GK2: variants seen among roughly 807,000 people sequenced by gnomAD.
GK2 encodes ATP:glycerol 3-phosphotransferase 2.
Under a neutral mutation model 9.5 loss-of-function variants are expected in GK2, and 10 were observed. The ratio of observed to expected loss-of-function variants is 1.05; its 90% confidence interval spans 0.65 to 1.78. The LOEUF (loss-of-function observed/expected upper bound fraction) is 1.78. Ranked by LOEUF, GK2 falls within the 40% of genes most tolerant of loss-of-function variation. The pLI, the probability that GK2 is intolerant of heterozygous loss-of-function variation, is 0.00. For missense variants in GK2, 643 were observed against 669.0 expected (o/e 0.96, Z 0.43); for synonymous variants, 228 against 229.9 (o/e 0.99, Z 0.07).
chr4:79,406,928 C>T lies in GK2; in HGVS notation c.1273G>A (p.Asp425Asn), dbSNP rs749926527. 1 of 1,614,126 alleles carries T rather than the reference C, an allele frequency of 6.2e-7. No homozygotes were observed. Among genetic ancestry groups the T allele is most frequent in the Admixed American group, 1.7e-5 (1 of 60,012 alleles). ...ACTTTGTTGTTGGTCATTCCTCCAT[C>T]TACCTGCAAATGACGAAGTGGAATT... ...CGIPLRHLQV[D>N]GGMTNNKVLM... The change falls in exon 1 of 1, where the codon GAT (aspartate) becomes AAT (asparagine). Residue 425 changes from aspartate (D) to asparagine (N), a missense_variant. Transcript: ENST00000358842.
In GK2 at chr4:79,407,331, A is replaced by C. The variant is rs756583364; in HGVS notation, c.870T>G (p.Gly290=). Reference sequence around the variant, plus strand: ...CATGTTCAGAAAACACACATTTACGACCCGTATTACACAGTAAGAAGCAAC... The same window carrying C: ...CATGTTCAGAAAACACACATTTACGCCCCGTATTACACAGTAAGAAGCAAC... ...GTGCFLLCNT[G]RKCVFSEHGL... Residue 290 remains glycine (G), a synonymous_variant, in exon 1 of 1, where the codon GGT becomes GGG. Transcript: ENST00000358842. 6.2e-7 allele frequency: 1 copy of C among 1,614,066 alleles called. No individual in the cohort carries two copies. Among genetic ancestry groups the C allele is most frequent in the Admixed American group, 1.7e-5 (1 of 60,000 alleles).
Position 79,407,754 on chromosome 4 carries a change from G to T in GK2, c.447C>A (p.Phe149Leu), listed in dbSNP as rs377465140. Reference protein sequence around the residue: ...SKTGLPLSTYFSAVKLRWMLD... With the variant: ...SKTGLPLSTYLSAVKLRWMLD... Reference sequence around the variant, plus strand: ...GCATCCAACGAAGTTTTACTGCACTGAAGTAAGTGCTGAGTGGAAGGCCTG... The same window carrying T: ...GCATCCAACGAAGTTTTACTGCACTTAAGTAAGTGCTGAGTGGAAGGCCTG... Residue 149 changes from phenylalanine to leucine, a missense_variant, in exon 1 of 1, where the codon TTC becomes TTA. By Grantham distance (22) the Phe-to-Leu change is conservative. Coordinates refer to ENST00000358842, the MANE Select transcript of GK2 (RefSeq NM_033214.3). 3 of 1,614,050 alleles carry T rather than the reference G, an allele frequency of 1.9e-6. No homozygotes were observed. The highest frequency in any genetic ancestry group is 2.5e-6 in the Non-Finnish European group (3 of 1,179,940).
Position 79,407,903 on chromosome 4 carries a change from A to G in GK2, c.298T>C (p.Trp100Arg). ...VSNQRETTVI[W>R]DKLTGEPLYN... ...AGAGGCTCTCCTGTTAACTTGTCCC[A>G]GATTACAGTGGTTTCCCTCTGATTG... is the stretch of plus-strand genomic sequence containing the variant. The change falls in exon 1 of 1, where the codon TGG becomes CGG. Residue 100 changes from tryptophan (W) to arginine (R), a missense_variant. Trp to Arg is a moderately radical substitution (Grantham distance 101, BLOSUM62 -3). Coordinates refer to ENST00000358842, the MANE Select transcript of GK2 (RefSeq NM_033214.3). The G allele has an allele frequency of 6.2e-7, 1 of 1,614,232 alleles. No individual in the cohort carries two copies. The highest frequency in any genetic ancestry group is 8.5e-7 in the Non-Finnish European group (1 of 1,180,046).
rs377464934 is a variant in GK2, at chr4:79,406,682, C to G, written c.1519G>C (p.Val507Leu). Residue 507 changes from valine (V) to leucine (L), a missense_variant, in exon 1 of 1, where the codon GTA (valine) becomes CTA (leucine). Coordinates refer to ENST00000358842, the MANE Select transcript of GK2 (RefSeq NM_033214.3). ...EIRYATWKKAVMKSMGWVTSQ... is the reference protein window; with the variant it reads ...EIRYATWKKALMKSMGWVTSQ... ...GTAACCCAACCCATTGACTTCATTA[C>G]GGCTTTCTTCCATGTGGCATAACGA... is the stretch of plus-strand genomic sequence containing the variant. 5.3e-5 allele frequency: 85 copies of G among 1,614,098 alleles called. No individual in the cohort carries two copies. The highest frequency in any genetic ancestry group is 4.5e-4 in the Admixed American group (27 of 60,024).
rs1725852513 is a variant in GK2 at position 79,406,500 on chromosome 4, G to A, written c.*39C>T. On this transcript the variant is annotated 3_prime_UTR_variant, in exon 1 of 1. Transcript: ENST00000358842. Reference sequence around the variant, plus strand: ...CAGAACTGCTATATGCTTTCATTATGTAAAATGTTTACATCTTGGGACTCC... The same window carrying A: ...CAGAACTGCTATATGCTTTCATTATATAAAATGTTTACATCTTGGGACTCC... 1 of 1,213,476 alleles carries A rather than the reference G, an allele frequency of 8.2e-7. No individual in the cohort carries two copies. Among genetic ancestry groups the A allele is most frequent in the African/African-American group, 1.5e-5 (1 of 66,008 alleles). The allele number at this position is 1,213,476 out of a possible 1,614,324, so 75.2% of individuals were successfully genotyped here. A position where few individuals can be genotyped will look rare whatever the true frequency, so the allele number is the denominator to read the frequency against.
Position 79,407,591 on chromosome 4 carries a change from T to C in GK2, c.610A>G (p.Arg204Gly). The stretch of plus-strand genomic sequence containing the variant: ...GAATGGATATTAAAAAGCATTGTCC[T>C]ACTTGCATTTGTTACATCTGTACAA... ...VHCTDVTNAS[R>G]TMLFNIHSLE... The change falls in exon 1 of 1, where the codon AGG (arginine) becomes GGG (glycine). Residue 204 changes from arginine to glycine, a missense_variant. Coordinates refer to ENST00000358842, the MANE Select transcript of GK2 (RefSeq NM_033214.3). 6 of 1,614,144 alleles carry C rather than the reference T, an allele frequency of 3.7e-6. No homozygotes were observed. Among genetic ancestry groups the C allele is most frequent in the Non-Finnish European group, 5.1e-6 (6 of 1,179,968 alleles).
chr4:79,406,828 C>T lies in GK2; in HGVS notation c.1373G>A (p.Gly458Glu), dbSNP rs151024112. 1,218 of 1,614,172 alleles carry T rather than the reference C, an allele frequency of 7.5e-4. 3 individuals carry two copies. Among genetic ancestry groups the T allele is most frequent in the Middle Eastern group, 7.4e-3 (45 of 6,062 alleles). Residue 458 changes from glycine to glutamate, a missense_variant, in exon 1 of 1, where the codon GGA (glycine) becomes GAA (glutamate). Transcript: ENST00000358842. ...KPFMPETTAL[G>E]AAMAAGAAEG... Reference sequence around the variant, plus strand: ...TGCAGCCCCTGCTGCCATGGCAGCTCCTAGTGCAGTTGTTTCAGGCATAAA... The same window carrying T: ...TGCAGCCCCTGCTGCCATGGCAGCTTCTAGTGCAGTTGTTTCAGGCATAAA...
In GK2 at chr4:79,407,855, C is replaced by A; in HGVS notation, c.346G>T (p.Asp116Tyr). Residue 116 changes from aspartate to tyrosine, a missense_variant, in exon 1 of 1, where the codon GAT becomes TAT. Asp to Tyr is a radical substitution (Grantham distance 160). Coordinates refer to ENST00000358842, the MANE Select transcript of GK2 (RefSeq NM_033214.3). The part of the protein sequence containing the change: ...EPLYNAVVWL[D>Y]LRTQTTVEDL... ...TCAACAGTAGTCTGGGTTCTTAGAT[C>A]AAGCCACACCACAGCATTGTAGAGA... The A allele has an allele frequency of 6.2e-7, 1 of 1,614,150 alleles. No homozygotes were observed. Among genetic ancestry groups the A allele is most frequent in the Non-Finnish European group, 8.5e-7 (1 of 1,180,002 alleles).
rs755520714 is a variant in GK2 at position 79,407,483 on chromosome 4, A to T, written c.718T>A (p.Tyr240Asn). ...LPNVFSSSEI[Y>N]GLIKTGALEG... Reference sequence around the variant, plus strand: ...AGGGCTCCAGTTTTAATTAGGCCATAGATCTCAGAAGAACTGAAGACATTT... The same window carrying T: ...AGGGCTCCAGTTTTAATTAGGCCATTGATCTCAGAAGAACTGAAGACATTT... Residue 240 changes from tyrosine (Y) to asparagine (N), a missense_variant, in exon 1 of 1, where the codon TAT becomes AAT. Coordinates refer to ENST00000358842, the MANE Select transcript of GK2 (RefSeq NM_033214.3). The T allele has an allele frequency of 6.2e-7, 1 of 1,614,200 alleles. No individual in the cohort carries two copies. The highest frequency in any genetic ancestry group is 1.7e-5 in the Admixed American group (1 of 60,026).
Position 79,407,973 on chromosome 4 carries a change from G to T in GK2, c.228C>A (p.Asp76Glu). 7 of 1,613,996 alleles carry T rather than the reference G, an allele frequency of 4.3e-6. No individual in the cohort carries two copies. The highest frequency in any genetic ancestry group is 5.9e-6 in the Non-Finnish European group (7 of 1,179,906). Reference protein sequence around the residue: ...ECIARTCEKLDELNIDISNIK... With the variant: ...ECIARTCEKLEELNIDISNIK... ...TGTTGGATATATCAATATTCAGTTC[G>T]TCAAGTTTCTCACACGTTCTCGCTA... The change falls in exon 1 of 1, where the codon GAC becomes GAA. Residue 76 changes from aspartate (D) to glutamate (E), a missense_variant. Asp to Glu is a conservative substitution (Grantham distance 45). Transcript: ENST00000358842.
Position 79,407,539 on chromosome 4 carries a change from T to G in GK2, c.662A>C (p.Asp221Ala), listed in dbSNP as rs1165894168. The G allele has an allele frequency of 6.2e-7, 1 of 1,614,172 alleles. No homozygotes were observed. The highest frequency in any genetic ancestry group is 1.3e-5 in the African/African-American group (1 of 75,046). ...AAGGTCCATTGGAATTTCAAAAAAG[T>G]CACAGAGCTCTTTATCCCATTCCAA... is the stretch of plus-strand genomic sequence containing the variant. ...HSLEWDKELC[D>A]FFEIPMDLLP... The change falls in exon 1 of 1, where the codon GAC becomes GCC. Residue 221 changes from aspartate to alanine, a missense_variant. Coordinates refer to ENST00000358842, the MANE Select transcript of GK2 (RefSeq NM_033214.3).
Position 79,406,515 on chromosome 4 carries a change from C to T in GK2, c.*24G>A, listed in dbSNP as rs1725852862. 7.3e-7 allele frequency: 1 copy of T among 1,367,176 alleles called. No homozygotes were observed. The highest frequency in any genetic ancestry group is 2.3e-5 in the East Asian group (1 of 43,642). 84.7% of individuals were successfully genotyped at this position (1,367,176 alleles called of 1,614,324 possible). A position where few individuals can be genotyped will look rare whatever the true frequency, so the allele number is the denominator to read the frequency against. On this transcript the variant is annotated 3_prime_UTR_variant, in exon 1 of 1. Transcript: ENST00000358842. ...CTTTCATTATGTAAAATGTTTACATCTTGGGACTCCATAGCTGGTATTATT... is the reference window on the plus strand; with the variant it reads ...CTTTCATTATGTAAAATGTTTACATTTTGGGACTCCATAGCTGGTATTATT...
In GK2 at chr4:79,407,568, A is replaced by C. The variant is rs769761532; in HGVS notation, c.633T>G (p.His211Gln). Residue 211 changes from histidine (H) to glutamine (Q), a missense_variant, in exon 1 of 1, where the codon CAT becomes CAG. By Grantham distance (24) the His-to-Gln change is conservative (BLOSUM62 0). Coordinates refer to ENST00000358842, the MANE Select transcript of GK2 (RefSeq NM_033214.3). Reference protein sequence around the residue: ...NASRTMLFNIHSLEWDKELCD... With the variant: ...NASRTMLFNIQSLEWDKELCD... ...AGAGCTCTTTATCCCATTCCAAAGAATGGATATTAAAAAGCATTGTCCTAC... is the reference window on the plus strand; with the variant it reads ...AGAGCTCTTTATCCCATTCCAAAGACTGGATATTAAAAAGCATTGTCCTAC... 6.2e-7 allele frequency: 1 copy of C among 1,614,160 alleles called. No homozygotes were observed. The highest frequency in any genetic ancestry group is 8.5e-7 in the Non-Finnish European group (1 of 1,179,984).
rs1393750447 is a variant in GK2, at chr4:79,406,915, G to T, written c.1286C>A (p.Thr429Asn). The T allele has an allele frequency of 2.5e-6, 4 of 1,614,056 alleles. No homozygotes were observed. The highest frequency in any genetic ancestry group is 3.4e-6 in the Non-Finnish European group (4 of 1,180,028). ...TAGCTGCATAAGAACTTTGTTGTTG[G>T]TCATTCCTCCATCTACCTGCAAATG... is the stretch of plus-strand genomic sequence containing the variant. ...LRHLQVDGGM[T>N]NNKVLMQLQA... The change falls in exon 1 of 1, where the codon ACC becomes AAC. Residue 429 changes from threonine (T) to asparagine (N), a missense_variant. By Grantham distance (65) the Thr-to-Asn change is moderately conservative. Coordinates refer to ENST00000358842, the MANE Select transcript of GK2 (RefSeq NM_033214.3).
At position 79,407,070 on chromosome 4, in the gene GK2, T is replaced by C. The variant is rs1725870410; in HGVS notation, c.1131A>G (p.Arg377=). The change falls in exon 1 of 1, where the codon AGA becomes AGG. Residue 377 remains arginine, a synonymous_variant. Transcript: ENST00000358842. The part of the protein sequence containing the change: ...LYAPYWEPSA[R]GILCGLTQFT... ...ACTGAGTGAGGCCACAGAGTATCCC[T>C]CTTGCACTGGGCTCCCAATAAGGTG... 6.2e-7 allele frequency: 1 copy of C among 1,614,170 alleles called. No individual in the cohort carries two copies. The highest frequency in any genetic ancestry group is 2.2e-5 in the East Asian group (1 of 44,884).
Position 79,407,317 on chromosome 4 carries a change from AAC to A in GK2, c.882_883del (p.Ser296Ter). 1 of 1,614,196 alleles carries A rather than the reference AAC, an allele frequency of 6.2e-7. No homozygotes were observed. On this transcript the variant is annotated frameshift_variant, in exon 1 of 1. Transcript: ENST00000358842. LOFTEE classifies it high-confidence loss of function. Reference sequence around the variant, plus strand: ...TGTGGTCAAAAGGCCATGTTCAGAAAACACACATTTACGACCCGTATTACACA... The same window carrying A: ...TGTGGTCAAAAGGCCATGTTCAGAAAACACATTTACGACCCGTATTACACA...
chr4:79,406,694 A>T lies in GK2; in HGVS notation c.1507T>A (p.Trp503Arg). ...ATTGACTTCATTACGGCTTTCTTCC[A>T]TGTGGCATAACGAATTTCACTTTCT... ...ATESEIRYATWKKAVMKSMGW... is the reference protein window; with the variant it reads ...ATESEIRYATRKKAVMKSMGW... Residue 503 changes from tryptophan (W) to arginine (R), a missense_variant, in exon 1 of 1, where the codon TGG becomes AGG. By Grantham distance (101) the Trp-to-Arg change is moderately radical. Coordinates refer to ENST00000358842, the MANE Select transcript of GK2 (RefSeq NM_033214.3). 6.2e-7 allele frequency: 1 copy of T among 1,614,216 alleles called. No individual in the cohort carries two copies. The highest frequency in any genetic ancestry group is 8.5e-7 in the Non-Finnish European group (1 of 1,180,040).
rs1360809791 is a variant in GK2 at position 79,407,709 on chromosome 4, G to A, written c.492C>T (p.Val164=). ...LRWMLDNVRN[V]QKAVEEGRAL... ...CTCTACCTTCTTCAACAGCCTTTTG[G>A]ACGTTTCTCACATTGTCAAGCATCC... The change falls in exon 1 of 1, where the codon GTC becomes GTT. Residue 164 remains valine (V), a synonymous_variant. Transcript: ENST00000358842. 1.2e-6 allele frequency: 2 copies of A among 1,614,158 alleles called. No individual in the cohort carries two copies. Among genetic ancestry groups the A allele is most frequent in the Non-Finnish European group, 1.7e-6 (2 of 1,180,014 alleles).
Position 79,407,213 on chromosome 4 carries a change from G to T in GK2, c.988C>A (p.Arg330Ser). ...GSVAIAGAVIRWLRDNLGIIE... is the reference protein window; with the variant it reads ...GSVAIAGAVISWLRDNLGIIE... Reference sequence around the variant, plus strand: ...ATTCCAAGATTGTCTCTTAGCCAACGAATAACAGCACCTGCTATAGCAACA... The same window carrying T: ...ATTCCAAGATTGTCTCTTAGCCAACTAATAACAGCACCTGCTATAGCAACA... The change falls in exon 1 of 1, where the codon CGT (arginine) becomes AGT (serine). Residue 330 changes from arginine (R) to serine (S), a missense_variant. Arg to Ser is a moderately radical substitution (Grantham distance 110, BLOSUM62 -1). Coordinates refer to ENST00000358842, the MANE Select transcript of GK2 (RefSeq NM_033214.3). The T allele has an allele frequency of 6.2e-7, 1 of 1,614,094 alleles. No individual in the cohort carries two copies.
Sources: gnomAD v4.1 joint callset for allele counts on GRCh38, gnomAD v4.1.1 for gene constraint, MANE v1.5 for transcripts, NCBI Gene and HGNC (gene_info 2026-07-23, HGNC 2026-07-21) for gene names.